The following AUTS2 variants were observed in gnomAD, a reference collection of about 807,000 sequenced individuals.
The protein encoded by AUTS2 is autism susceptibility gene 2 protein.
AUTS2 carries 17 observed loss-of-function variants against 112.4 expected under a neutral mutation model. The observed-to-expected ratio is 0.15, with a 90% CI of 0.10 to 0.23. AUTS2 has a LOEUF of 0.23. Ranked by LOEUF, AUTS2 falls within the 10% of genes least tolerant of loss-of-function variation. The probability of loss-of-function intolerance (pLI) is 1.00; values close to 1 mark genes in which losing one functional copy is unlikely to be tolerated. For synonymous variants in AUTS2, 751 were observed against 702.7 expected, an observed-to-expected ratio of 1.07 and a Z score of -1.09; for missense variants, 1,510 against 1,701.6, an observed-to-expected ratio of 0.89 and a Z score of 1.98.
intron 4 of AUTS2, among the ~76,000 whole-genome samples, chr7:70,338,833 C>CTTTATTTATTTATTTATTTAT (rs71077651): frequency 2.1e-5 from 3 of 141,012 alleles, no homozygotes; most frequent in African/African-American, 5.2e-5. Context: ...AGCCTCATCT[C>CTTTATTTATTTATTTATTTAT]TTATTTATTT....
chr7:70,305,671 A>G (rs1344089271), intron 4 of AUTS2, among the ~76,000 whole-genome samples: 1 of 152,248 alleles, frequency 6.6e-6, no homozygotes, highest in Non-Finnish European at 1.5e-5. Flanking sequence ...TAGTTTAAAA[A>G]AATCAAACAA....
intron 5 of AUTS2, among the ~76,000 whole-genome samples, chr7:70,585,986 C>T (rs6976660): frequency 0.25 from 37,243 of 151,856 alleles, 5,388 homozygotes; most frequent in Non-Finnish European, 0.32. Flanking sequence ...CCTCAGCCCC[C>T]TAAGTAGCTG....
At chr7:70,550,483 A>T (rs912626401) in intron 5 of AUTS2, among the ~76,000 whole-genome samples, 1 of 152,200 alleles carries the variant, frequency 6.6e-6, no homozygotes, top group East Asian at 1.9e-4. Context: ...TCCTCAAAGA[A>T]GTTAAGCCCC....
At chr7:69,910,248 A>G (rs941306512) in intron 2 of AUTS2, among the ~76,000 whole-genome samples, 2 of 152,164 alleles carry the variant, frequency 1.3e-5, no homozygotes, top group Non-Finnish European at 2.9e-5. Context: ...GCCAGCTGGA[A>G]TCCTCTGTGG....
chr7:69,747,784 G>GGTGTGTGTGTGTGTGTGTGTGTGT (rs10695531), intron 1 of AUTS2, among the ~76,000 whole-genome samples: 1 of 144,502 alleles, frequency 6.9e-6, no homozygotes, highest in Non-Finnish European at 1.5e-5. Context: ...GAAGGAGAGG[G>GGTGTGTGTGTGTGTGTGTGTGTGT]GTGTGTGTGT....
At chr7:69,888,540 GATATAT>G (rs60804022) in intron 1 of AUTS2, among the ~76,000 whole-genome samples, 17,623 of 99,178 alleles carry the variant, frequency 0.18, 1,386 homozygotes, top group Admixed American at 0.2. Context: ...CAACATTGGG[GATATAT>G]ATATATATAT....
chr7:70,183,703 TTAA>T (rs1809446357), intron 4 of AUTS2, among the ~76,000 whole-genome samples: 1 of 152,206 alleles, frequency 6.6e-6, no homozygotes. Context: ...ACTGGCTTCT[TTAA>T]TAACTGAAAA....
At position 70,790,882 on chromosome 7, in the gene AUTS2, G is replaced by A. The variant is rs371840358; in HGVS notation, c.3666G>A (p.Pro1222=). 6.2e-7 allele frequency: 1 copy of A among 1,601,958 alleles called. No homozygotes were observed. The highest frequency in any genetic ancestry group is 8.5e-7 in the Non-Finnish European group (1 of 1,173,798). Residue 1222 remains proline (P), a synonymous_variant, in exon 19 of 19, where the codon CCG becomes CCA. Coordinates refer to ENST00000342771, the MANE Select transcript of AUTS2 (RefSeq NM_015570.4). The surrounding 1 kb of genome is among the most constrained non-coding windows in gnomAD (Gnocchi z 7.6). ...PPTAALSAPP[P]LISTLGGRPV... ...CAGCAGCGCTGAGCGCACCTCCCCCGCTCATCTCCACGCTGGGGGGCCGCC... is the reference window on the plus strand; with the variant it reads ...CAGCAGCGCTGAGCGCACCTCCCCCACTCATCTCCACGCTGGGGGGCCGCC...
At chr7:70,316,529 G>A (rs553001103) in intron 4 of AUTS2, among the ~76,000 whole-genome samples, 2 of 149,650 alleles carry the variant, frequency 1.3e-5, no homozygotes, top group East Asian at 4.0e-4. Context: ...TCAGCCACCC[G>A]AGCAGCTGGG....
At chr7:70,223,852 GTT>G (rs34236397) in intron 4 of AUTS2, among the ~76,000 whole-genome samples, 3 of 131,896 alleles carry the variant, frequency 2.3e-5, no homozygotes, top group Non-Finnish European at 1.6e-5. Flanking sequence ...TTGTATCTTT[GTT>G]TTTTTTTTTT....
At chr7:70,349,023 T>G (rs1386633906) in intron 4 of AUTS2, among the ~76,000 whole-genome samples, 1 of 152,230 alleles carries the variant, frequency 6.6e-6, no homozygotes, top group Non-Finnish European at 1.5e-5. Context: ...TCAGGAACTA[T>G]TCTAATGCTT....
chr7:70,344,964 A>G (rs1791429126), intron 4 of AUTS2, among the ~76,000 whole-genome samples: 3 of 152,172 alleles, frequency 2.0e-5, no homozygotes, highest in African/African-American at 2.4e-5. Context: ...TGTCTCAGAT[A>G]AGTAGACAGG....
At chr7:69,801,700 A>G (rs1790091816) in intron 1 of AUTS2, among the ~76,000 whole-genome samples, 1 of 152,146 alleles carries the variant, frequency 6.6e-6, no homozygotes, top group African/African-American at 2.4e-5. Context: ...AGTTTTGTTG[A>G]TTGTTTGATA....
At chr7:70,566,629 C>T (rs1356191450) in intron 5 of AUTS2, among the ~76,000 whole-genome samples, 1 of 152,138 alleles carries the variant, frequency 6.6e-6, no homozygotes, top group Non-Finnish European at 1.5e-5. Flanking sequence ...GTTTAAATAT[C>T]TCTATCTGAT....
intron 4 of AUTS2, among the ~76,000 whole-genome samples, chr7:70,159,391 A>G (rs780785581): frequency 5.3e-5 from 8 of 152,242 alleles, no homozygotes; most frequent in Non-Finnish European, 1.2e-4. Flanking sequence ...TTGTATGTCA[A>G]TCAAAACAAA....
At chr7:70,639,260 G>A in intron 5 of AUTS2, among the ~76,000 whole-genome samples, 1 of 152,068 alleles carries the variant, frequency 6.6e-6, no homozygotes, top group Non-Finnish European at 1.5e-5. Context: ...AAAACCAAAT[G>A]AAATATTATT....
At chr7:69,860,541 A>C (rs1009912474) in intron 1 of AUTS2, among the ~76,000 whole-genome samples, 3 of 151,992 alleles carry the variant, frequency 2.0e-5, no homozygotes, top group Admixed American at 6.6e-5. Context: ...TTACCAGGGA[A>C]CCATGGCACT....
At chr7:69,895,550 C>G (rs186387181) in intron 1 of AUTS2, among the ~76,000 whole-genome samples, 4 of 147,002 alleles carry the variant, frequency 2.7e-5, no homozygotes, top group Admixed American at 6.7e-5. Flanking sequence ...TCTTCCCCCC[C>G]CCCGAGTGGA....
chr7:70,346,953 G>A (rs79414016), intron 4 of AUTS2, among the ~76,000 whole-genome samples: 181 of 152,232 alleles, frequency 1.2e-3, no homozygotes, highest in African/African-American at 4.1e-3. Flanking sequence ...ACTACATGAA[G>A]CAGTCTCCTT....
Sources: allele counts gnomAD v4.1 joint callset (sites outside exome capture counted in the v4.1 genomes callset), GRCh38; gene constraint gnomAD v4.1.1; non-coding constraint Gnocchi (gnomAD v3.1); transcripts MANE v1.5; gene names NCBI Gene and HGNC (gene_info 2026-07-23, HGNC 2026-07-21).